GLIS3: variants seen among roughly 807,000 people sequenced by gnomAD.
GLIS3 encodes the protein zinc finger protein GLIS3.
In GLIS3, 53 loss-of-function variants were observed where a neutral mutation model predicts 78.6. That is an observed-to-expected ratio of 0.67 (90% CI 0.54 to 0.85). GLIS3 has a LOEUF of 0.85. GLIS3 is among the 40% of genes least tolerant of loss of function. The pLI, the probability that GLIS3 is intolerant of heterozygous loss-of-function variation, is 0.00. For synonymous variants in GLIS3, 684 were observed against 509.9 expected (o/e 1.34, Z -4.60); for missense variants, 1,703 against 1,231.1 (o/e 1.38, Z -5.74).
At chr9:3,828,719 G>A (rs1817867430) in intron 10 of GLIS3, among the ~76,000 whole-genome samples, 1 of 152,174 alleles carries the variant, frequency 6.6e-6, no homozygotes, top group Non-Finnish European at 1.5e-5. Flanking sequence ...GAAAGAGAAT[G>A]GAATTCTCAC....
At position 4,118,367 on chromosome 9, in the gene GLIS3, C is replaced by A. The variant is rs1293183683; in HGVS notation, c.1111G>T (p.Gly371Cys). The A allele has an allele frequency of 3.1e-6, 5 of 1,592,188 alleles. No individual in the cohort carries two copies. The highest frequency in any genetic ancestry group is 4.3e-6 in the Non-Finnish European group (5 of 1,173,202). ...AGGCCTCCAGGGGCCACCAGCACGCCCTTCTGGCTGCCGGGCACCGGGCGC... is the reference window on the plus strand; with the variant it reads ...AGGCCTCCAGGGGCCACCAGCACGCACTTCTGGCTGCCGGGCACCGGGCGC... ...QPRPVPGSQK[G>C]VLVAPGGLAL... The change falls in exon 4 of 11, where the codon GGC (glycine) becomes TGC (cysteine). Residue 371 changes from glycine to cysteine, a missense_variant. By Grantham distance (159) the Gly-to-Cys change is radical (BLOSUM62 -3). Coordinates refer to ENST00000381971, the MANE Select transcript of GLIS3 (RefSeq NM_001042413.2). The surrounding 1 kb of genome is among the most constrained non-coding windows in gnomAD (Gnocchi z 4.7).
the GLIS3 span, among the ~76,000 whole-genome samples, chr9:4,368,991 G>A: frequency 1.3e-5 from 2 of 152,110 alleles, no homozygotes; most frequent in East Asian, 3.9e-4. Context: ...GAAAAAGAAT[G>A]ATGTTTTCTT....
intron 4 of GLIS3, among the ~76,000 whole-genome samples, chr9:4,019,058 G>C (rs919624947): frequency 6.6e-6 from 1 of 152,212 alleles, no homozygotes; most frequent in African/African-American, 2.4e-5. Flanking sequence ...ACCTGGCACA[G>C]TGTCATTAAG....
chr9:3,846,568 C>A (rs1819058144), intron 9 of GLIS3, among the ~76,000 whole-genome samples: 1 of 152,198 alleles, frequency 6.6e-6, no homozygotes, highest in Admixed American at 6.5e-5. Context: ...AGAATCAGGG[C>A]ATTGCATGAC....
intron 9 of GLIS3, among the ~76,000 whole-genome samples, chr9:3,846,426 C>G (rs1819046358): frequency 6.6e-6 from 1 of 152,190 alleles, no homozygotes; most frequent in Non-Finnish European, 1.5e-5. Context: ...CACCAGGTAT[C>G]TGATACACAG....
At chr9:4,010,529 G>C (rs1339876355) in intron 4 of GLIS3, among the ~76,000 whole-genome samples, 2 of 151,530 alleles carry the variant, frequency 1.3e-5, no homozygotes, top group African/African-American at 4.8e-5. Context: ...AAGCAGAAGT[G>C]AAGAAGAAGC....
the GLIS3 span, among the ~76,000 whole-genome samples, chr9:4,397,683 AGGGAGGGAGGGAGGGAGGGAGGAAGGCAG>A: frequency 0.011 from 48 of 4,336 alleles, no homozygotes; most frequent in Admixed American, 0.026. Context: ...GGAGGAAGGG[AGGGAGGGAGGGAGGGAGGGAGGAAGGCAG>A]GGAGGGAGGG....
At position 3,974,585 on chromosome 9, in the gene GLIS3, C is replaced by T. The variant is rs531890306; in HGVS notation, c.1711-37396G>A. Among the ~76,000 whole-genome samples, 5 of 152,264 alleles carry T rather than the reference C, an allele frequency of 3.3e-5. No individual in the cohort carries two copies. In the East Asian group the frequency reaches 9.6e-4, roughly 29 times the overall value. On this transcript the variant is annotated intron_variant, in intron 4 of 10. Transcript: ENST00000381971. ...AGTCAATCAGCACCATTTGTGCCCG[C>T]AGAAAAACCAATCGCTCCCTAATGC...
At chr9:4,204,004 T>A (rs1391465006) in intron 2 of GLIS3, among the ~76,000 whole-genome samples, 1 of 152,186 alleles carries the variant, frequency 6.6e-6, no homozygotes, top group Non-Finnish European at 1.5e-5. Context: ...GTTGGGTATA[T>A]GCTAGGTACC....
chr9:4,391,583 C>T, the GLIS3 span, among the ~76,000 whole-genome samples: 20 of 147,460 alleles, frequency 1.4e-4, no homozygotes, highest in Admixed American at 9.4e-4. Flanking sequence ...GTGTGTTGGG[C>T]TCGGGTAGGT....
chr9:3,868,109 T>C (rs1820722713), intron 8 of GLIS3, among the ~76,000 whole-genome samples: 1 of 152,250 alleles, frequency 6.6e-6, no homozygotes, highest in South Asian at 2.1e-4. Context: ...ATTGACAAAC[T>C]TAATTGCCTG....
chr9:4,099,604 G>C (rs1029756184), intron 4 of GLIS3, among the ~76,000 whole-genome samples: 3 of 152,146 alleles, frequency 2.0e-5, no homozygotes, highest in Admixed American at 2.0e-4. Context: ...GGTACTGGGG[G>C]TGATGACTTC....
At chr9:4,158,620 A>G (rs1373362536) in intron 2 of GLIS3, among the ~76,000 whole-genome samples, 1 of 152,226 alleles carries the variant, frequency 6.6e-6, no homozygotes, top group Non-Finnish European at 1.5e-5. Flanking sequence ...TCACTACTAA[A>G]TGTATTATAA....
chr9:4,305,030 T>C (rs1470900108), upstream of GLIS3, among the ~76,000 whole-genome samples: 2 of 152,154 alleles, frequency 1.3e-5, no homozygotes, highest in Admixed American at 6.5e-5. Flanking sequence ...GCTCATGATC[T>C]ACATTTTTTT....
At position 3,829,296 on chromosome 9, in the gene GLIS3, G is replaced by A. The variant is rs757541781; in HGVS notation, c.2656+14C>T. ...AGTTGACAGGATTTTCTAAGTCACA[G>A]ACAACCAACACACCTGTAATGCCCG... On this transcript the variant is annotated intron_variant, in intron 10 of 10. Transcript: ENST00000381971. The A allele has an allele frequency of 6.2e-7, 1 of 1,612,806 alleles. No homozygotes were observed. The highest frequency in any genetic ancestry group is 1.7e-5 in the Admixed American group (1 of 60,000).
At chr9:3,856,563 C>T (rs1289050055) in intron 8 of GLIS3, among the ~76,000 whole-genome samples, 6 of 152,112 alleles carry the variant, frequency 3.9e-5, no homozygotes, top group African/African-American at 9.7e-5. Flanking sequence ...AAATTTGATC[C>T]GTATGTTTCT....
chr9:3,862,256 G>A (rs1186049541), intron 8 of GLIS3, among the ~76,000 whole-genome samples: 2 of 152,152 alleles, frequency 1.3e-5, no homozygotes, highest in African/African-American at 2.4e-5. Flanking sequence ...GGTGAGGGGG[G>A]AATGAAGAAG....
At chr9:4,100,794 C>T (rs1214907466) in intron 4 of GLIS3, among the ~76,000 whole-genome samples, 1 of 152,172 alleles carries the variant, frequency 6.6e-6, no homozygotes, top group Non-Finnish European at 1.5e-5. Context: ...TTTTACTCAT[C>T]TATGTTATCC....
the GLIS3 span, among the ~76,000 whole-genome samples, chr9:4,479,864 T>C: frequency 6.6e-6 from 1 of 151,838 alleles, no homozygotes; most frequent in African/African-American, 2.4e-5. Flanking sequence ...CTCCCTTCCT[T>C]CTTCCCATCA....
Sources: gnomAD v4.1 joint callset for allele counts (sites outside exome capture counted in the v4.1 genomes callset) on GRCh38, gnomAD v4.1.1 for gene constraint, Gnocchi (gnomAD v3.1) non-coding constraint, MANE v1.5 for transcripts, NCBI Gene and HGNC (gene_info 2026-07-23, HGNC 2026-07-21) for gene names.